MARVELD2: variants seen among roughly 807,000 people sequenced by gnomAD.
MARVELD2 encodes the protein MARVEL domain-containing protein 2.
In MARVELD2, 49 loss-of-function variants were observed where a neutral mutation model predicts 57.6. That is an observed-to-expected ratio of 0.85 (90% CI 0.68 to 1.08). The LOEUF is 1.08. Ranked by LOEUF, MARVELD2 falls within the 50% of genes least tolerant of loss-of-function variation. The probability of loss-of-function intolerance (pLI) is 0.00; values close to 1 mark genes in which losing one functional copy is unlikely to be tolerated. For missense variants in MARVELD2, 606 were observed against 701.1 expected, an observed-to-expected ratio of 0.86 and a Z score of 1.53; for synonymous variants, 238 against 258.8, an observed-to-expected ratio of 0.92 and a Z score of 0.77.
intron 1 of MARVELD2, among the ~76,000 whole-genome samples, chr5:69,417,940 A>C (rs1346930547): frequency 1.4e-5 from 2 of 143,966 alleles, no homozygotes; most frequent in Admixed American, 6.9e-5. Context: ...CTCTGTCTCA[A>C]AAAAAAAAAA....
At chr5:69,421,366 C>G (rs183024138) in intron 2 of MARVELD2, among the ~76,000 whole-genome samples, 20 of 152,244 alleles carry the variant, frequency 1.3e-4, no homozygotes, top group Admixed American at 9.2e-4. Context: ...AGTAGACTCT[C>G]CTATGCCACT....
At chr5:69,424,327 GA>G (rs924666296) in intron 2 of MARVELD2, among the ~76,000 whole-genome samples, 5 of 152,122 alleles carry the variant, frequency 3.3e-5, no homozygotes, top group Admixed American at 3.3e-4. Flanking sequence ...AATAAAATTT[GA>G]GGGTAATTCA....
chr5:69,444,101 C>T lies in MARVELD2; in HGVS notation c.*2447C>T, dbSNP rs1166168842. 2.1e-5 allele frequency: 3 copies of T among 144,910 alleles called. 1 individual carries two copies. Among genetic ancestry groups the T allele is most frequent in the African/African-American group, 7.5e-5 (3 of 40,024 alleles). 9.0% of individuals were successfully genotyped at this position (144,910 alleles called of 1,614,324 possible). ...GTTAAGGAAATTTAACTTTGTGAAA[C>T]TTTTAAAATAAAGTTTATAAATGTA... On this transcript the variant is annotated 3_prime_UTR_variant, in exon 7 of 7. Transcript: ENST00000325631.
At chr5:69,432,898 C>G in intron 4 of MARVELD2, 24 bp from the exon 5 acceptor site, 2 of 1,613,966 alleles carry the variant, frequency 1.2e-6, no homozygotes, top group Non-Finnish European at 1.7e-6. Context: ...ACAATTATAT[C>G]TTTGGCTTAT....
intron 3 of MARVELD2, among the ~76,000 whole-genome samples, chr5:69,432,075 A>G (rs1028622547): frequency 1.3e-5 from 2 of 151,462 alleles, no homozygotes; most frequent in Admixed American, 6.6e-5. Flanking sequence ...CAGTGGTACA[A>G]TCTTGGTTCA....
At position 69,442,259 on chromosome 5, in the gene MARVELD2, A is replaced by C. The variant is rs937069617; in HGVS notation, c.*605A>C. On this transcript the variant is annotated 3_prime_UTR_variant, in exon 7 of 7. Transcript: ENST00000325631. ...TTTTTTACTCAGGCAGGTTCCTAGG[A>C]TTTTTCTGGGACAAATTTCTCTTCC... 1.3e-5 allele frequency: 2 copies of C among 151,922 alleles called. No individual in the cohort carries two copies. The highest frequency in any genetic ancestry group is 4.8e-5 in the African/African-American group (2 of 41,362). 9.4% of individuals were successfully genotyped at this position (151,922 alleles called of 1,614,324 possible). A position where few individuals can be genotyped will look rare whatever the true frequency, so the allele number is the denominator to read the frequency against.
intron 3 of MARVELD2, among the ~76,000 whole-genome samples, chr5:69,431,100 C>T (rs1250786518): frequency 2.0e-5 from 3 of 150,236 alleles, no homozygotes; most frequent in Non-Finnish European, 4.4e-5. Context: ...TGGCCTCAAC[C>T]TCACTTCTTT....
chr5:69,439,968 A>C (rs992594034), intron 5 of MARVELD2, among the ~76,000 whole-genome samples: 7 of 152,138 alleles, frequency 4.6e-5, no homozygotes, highest in Admixed American at 1.3e-4. Context: ...CTATTTTCAA[A>C]AGTTGCATAC....
At chr5:69,421,872 CCAAA>C (rs1355345280) in intron 2 of MARVELD2, among the ~76,000 whole-genome samples, 1 of 151,400 alleles carries the variant, frequency 6.6e-6, no homozygotes, top group Admixed American at 6.6e-5. Context: ...GTCAGGGACC[CCAAA>C]CAGAGGGACC....
intron 4 of MARVELD2, 76 bp downstream of exon 4, chr5:69,432,751 C>G: frequency 6.2e-7 from 1 of 1,600,494 alleles, no homozygotes; most frequent in South Asian, 1.1e-5. Context: ...TCCAGTTTGT[C>G]TCCAAGTTAA....
At chr5:69,424,263 A>G (rs928424719) in intron 2 of MARVELD2, among the ~76,000 whole-genome samples, 22 of 152,188 alleles carry the variant, frequency 1.4e-4, no homozygotes, top group Non-Finnish European at 1.5e-5. Context: ...TATTAATTTT[A>G]TAGAGTAATT....
In MARVELD2 at chr5:69,428,429, G is replaced by A. The variant is rs1262333200; in HGVS notation, c.1182+3793G>A. On this transcript the variant is annotated intron_variant, in intron 3 of 6. Coordinates refer to ENST00000325631, the MANE Select transcript of MARVELD2 (RefSeq NM_001038603.3). ...GAGGCGGGAGAATGACTTGAACCTG[G>A]AAGGTGGAGGTTGCAGTGAGCTGAG... Among the ~76,000 whole-genome samples, 2 of 108,398 alleles carry A rather than the reference G, an allele frequency of 1.8e-5. 1 individual carries two copies. Among genetic ancestry groups the A allele is most frequent in the East Asian group, 5.5e-4 (2 of 3,666 alleles). 71.1% of individuals were successfully genotyped at this position (108,398 alleles called of 152,430 possible).
chr5:69,441,574 A>T lies in MARVELD2; in HGVS notation c.1597A>T (p.Lys533Ter). 6.2e-7 allele frequency: 1 copy of T among 1,604,562 alleles called. No homozygotes were observed. The highest frequency in any genetic ancestry group is 8.5e-7 in the Non-Finnish European group (1 of 1,171,700). ...LEKKERCDYL[K>*]NKLSHIKQRI... Reference sequence around the variant, plus strand: ...AAAAAAAGAACGCTGTGATTACCTAAAGAATAAACTTTCTCACATAAAGCA... The same window carrying T: ...AAAAAAAGAACGCTGTGATTACCTATAGAATAAACTTTCTCACATAAAGCA... The change falls in exon 7 of 7, where the codon AAG (lysine) becomes TAG (stop). Residue 533 changes from lysine (K) to a stop codon, truncating the protein, a stop_gained. Transcript: ENST00000325631. LOFTEE classifies it high-confidence loss of function.
intron 5 of MARVELD2, among the ~76,000 whole-genome samples, chr5:69,437,652 C>A (rs1271998604): frequency 6.6e-6 from 1 of 151,738 alleles, no homozygotes; most frequent in Non-Finnish European, 1.5e-5. Context: ...CCATTGCACT[C>A]CAGCCTGGGT....
chr5:69,431,551 T>A (rs1168323189), intron 3 of MARVELD2, among the ~76,000 whole-genome samples: 1 of 152,224 alleles, frequency 6.6e-6, no homozygotes, highest in Admixed American at 6.5e-5. Context: ...TTACATTTTT[T>A]ATTCTTTTAC....
intron 3 of MARVELD2, among the ~76,000 whole-genome samples, chr5:69,427,453 C>G (rs1766825415): frequency 1.3e-5 from 2 of 151,714 alleles, no homozygotes; most frequent in African/African-American, 2.4e-5. Context: ...ACTCTGTCAC[C>G]AGGCTGGAGT....
Position 69,431,830 on chromosome 5 carries a change from CT to C in MARVELD2, c.1183-673del, listed in dbSNP as rs904263527. 8.7e-3 allele frequency among the ~76,000 whole-genome samples: 847 copies of C among 97,868 alleles called. 2 individuals carry two copies. The highest frequency in any genetic ancestry group is 0.029 in the African/African-American group (701 of 23,846). 64.2% of individuals were successfully genotyped at this position (97,868 alleles called of 152,430 possible). On this transcript the variant is annotated intron_variant, in intron 3 of 6. Coordinates refer to ENST00000325631, the MANE Select transcript of MARVELD2 (RefSeq NM_001038603.3). ...TCCTCCCCATTTTCTTCTTCTTCTT[CT>C]TTTTTTTTTTTTTTTTTTTTTTTGA...
Position 69,432,947 on chromosome 5 carries a change from G to A in MARVELD2, c.1357G>A (p.Asp453Asn). Reference sequence around the variant, plus strand: ...AAAATACCCTGTGATTCAGACAGATGATGAGCGAGAACGCTATAAAGCTGT... The same window carrying A: ...AAAATACCCTGTGATTCAGACAGATAATGAGCGAGAACGCTATAAAGCTGT... ...VAKYPVIQTD[D>N]ERERYKAVFQ... The change falls in exon 5 of 7, where the codon GAT becomes AAT. Residue 453 changes from aspartate to asparagine, a missense_variant. Transcript: ENST00000325631. The A allele has an allele frequency of 6.2e-7, 1 of 1,614,206 alleles. No homozygotes were observed. Among genetic ancestry groups the A allele is most frequent in the South Asian group, 1.1e-5 (1 of 91,084 alleles).
At chr5:69,420,577 T>C in intron 2 of MARVELD2, 46 bp downstream of exon 2, 1 of 1,562,088 alleles carries the variant, frequency 6.4e-7, no homozygotes, top group Non-Finnish European at 8.7e-7. Flanking sequence ...TGTTTGTTTT[T>C]TCTGTTATTT....
Sources: gnomAD v4.1 joint callset for allele counts (sites outside exome capture counted in the v4.1 genomes callset) on GRCh38, gnomAD v4.1.1 for gene constraint, MANE v1.5 for transcripts, NCBI Gene and HGNC (gene_info 2026-07-23, HGNC 2026-07-21) for gene names.